The following ZNF407 variants were observed in gnomAD, a reference collection of about 807,000 sequenced individuals.
ZNF407 encodes zinc finger protein 407.
Under a neutral mutation model 131.2 loss-of-function variants are expected in ZNF407, and 17 were observed. That is an observed-to-expected ratio of 0.13 (90% CI 0.09 to 0.19). The LOEUF (loss-of-function observed/expected upper bound fraction) is 0.19. Ranked by LOEUF, ZNF407 falls within the 10% of genes least tolerant of loss-of-function variation. The probability of loss-of-function intolerance (pLI) is 1.00; values close to 1 mark genes in which losing one functional copy is unlikely to be tolerated. For synonymous variants in ZNF407, 1,156 were observed against 1,062.0 expected (o/e 1.09, Z -1.72); for missense variants, 2,681 against 2,830.6 (o/e 0.95, Z 1.20).
chr18:75,030,289 T>C (rs1973224740), intron 8 of ZNF407, among the ~76,000 whole-genome samples: 2 of 152,204 alleles, frequency 1.3e-5, no homozygotes, highest in East Asian at 1.9e-4. Flanking sequence ...CTTCTATCAG[T>C]TGAAAGGTAT....
At chr18:74,616,035 A>G (rs1983275839) in intron 1 of ZNF407, among the ~76,000 whole-genome samples, 1 of 152,054 alleles carries the variant, frequency 6.6e-6, no homozygotes, top group African/African-American at 2.4e-5. Context: ...AGCCCCTATT[A>G]TAGTTTTAAT....
chr18:74,901,213 A>G (rs1207899425), intron 7 of ZNF407, among the ~76,000 whole-genome samples: 3 of 152,118 alleles, frequency 2.0e-5, no homozygotes, highest in Admixed American at 6.5e-5. Flanking sequence ...AGCATTTTGT[A>G]TGGGTTTCCT....
At chr18:75,058,213 C>G (rs1023300978) in intron 8 of ZNF407, among the ~76,000 whole-genome samples, 2 of 152,188 alleles carry the variant, frequency 1.3e-5, no homozygotes, top group African/African-American at 4.8e-5. Context: ...GCAGAAGGAG[C>G]TGCAGCATCA....
intron 8 of ZNF407, among the ~76,000 whole-genome samples, chr18:75,058,501 T>C (rs1973587818): frequency 6.6e-6 from 1 of 152,244 alleles, no homozygotes; most frequent in South Asian, 2.1e-4. Flanking sequence ...AGAATGATTT[T>C]AGGCACACTG....
intron 3 of ZNF407, among the ~76,000 whole-genome samples, chr18:74,742,440 G>A (rs1968570525): frequency 1.3e-5 from 2 of 152,134 alleles, no homozygotes; most frequent in Non-Finnish European, 2.9e-5. Context: ...GCTGACTTCA[G>A]TTGCTTTTTT....
chr18:74,603,776 A>G (rs568458546), intron 1 of ZNF407, among the ~76,000 whole-genome samples: 60 of 152,354 alleles, frequency 3.9e-4, no homozygotes, highest in Admixed American at 9.8e-4. Flanking sequence ...GCACTTTTCC[A>G]TAGGTAACCA....
At chr18:75,034,637 A>T (rs935550408) in intron 8 of ZNF407, among the ~76,000 whole-genome samples, 14 of 150,890 alleles carry the variant, frequency 9.3e-5, no homozygotes, top group East Asian at 3.9e-4. Flanking sequence ...CATTGGTAGG[A>T]TGTAGTGATT....
chr18:74,841,450 G>A (rs910743863), intron 4 of ZNF407, among the ~76,000 whole-genome samples: 8 of 152,020 alleles, frequency 5.3e-5, no homozygotes, highest in African/African-American at 1.9e-4. Flanking sequence ...TAAAGTTGGC[G>A]GTACTCCCAA....
chr18:74,851,349 A>T (rs926619737), intron 4 of ZNF407, among the ~76,000 whole-genome samples: 1 of 152,360 alleles, frequency 6.6e-6, no homozygotes, highest in African/African-American at 2.4e-5. Context: ...AGCAGAGAAC[A>T]TGTATAATCA....
intron 3 of ZNF407, among the ~76,000 whole-genome samples, chr18:74,739,324 G>A (rs955349543): frequency 1.3e-5 from 2 of 151,822 alleles, no homozygotes; most frequent in Non-Finnish European, 2.9e-5. Flanking sequence ...GAGAGTGAAC[G>A]AGAAAAGGGA....
intron 1 of ZNF407, among the ~76,000 whole-genome samples, chr18:74,604,178 C>G (rs1982699280): frequency 1.3e-5 from 2 of 152,306 alleles, no homozygotes; most frequent in African/African-American, 2.4e-5. Context: ...TCACAAAGTA[C>G]AAGGTTTGAT....
rs148366248 is a variant in ZNF407 at position 74,942,214 on chromosome 18, A to C, written c.5428+21522A>C. On this transcript the variant is annotated intron_variant, in intron 8 of 8. Coordinates refer to ENST00000299687, the MANE Select transcript of ZNF407 (RefSeq NM_017757.3). ...TTTTTGCACGAATCTCCCCTGCAGC[A>C]GGGAAAGTGGCTTTTGAAGCTGTGA... 3.9e-3 allele frequency among the ~76,000 whole-genome samples: 589 copies of C among 152,348 alleles called. 10 individuals carry two copies. Among genetic ancestry groups the C allele is most frequent in the African/African-American group, 0.013 (561 of 41,578 alleles).
At chr18:74,689,179 G>A (rs1341464502) in intron 3 of ZNF407, among the ~76,000 whole-genome samples, 1 of 151,958 alleles carries the variant, frequency 6.6e-6, no homozygotes, top group African/African-American at 2.4e-5. Context: ...AGTGTTTTCT[G>A]GTTTTCTGCA....
At chr18:74,630,371 CTG>C (rs1984000116) in intron 1 of ZNF407, among the ~76,000 whole-genome samples, 1 of 152,106 alleles carries the variant, frequency 6.6e-6, no homozygotes, top group African/African-American at 2.4e-5. Context: ...CAGGGTTTCA[CTG>C]TGTTAGCCAG....
At chr18:74,619,331 A>T (rs1286545108) in intron 1 of ZNF407, among the ~76,000 whole-genome samples, 3 of 152,128 alleles carry the variant, frequency 2.0e-5, no homozygotes, top group Non-Finnish European at 4.4e-5. Context: ...TGGAATGAAA[A>T]CCATGGCTTG....
intron 3 of ZNF407, among the ~76,000 whole-genome samples, chr18:74,775,901 AAC>A (rs143713888): frequency 0.16 from 24,473 of 152,022 alleles, 2,269 homozygotes; most frequent in Non-Finnish European, 0.21. Context: ...CACACTTTTA[AAC>A]CACCAGATCT....
intron 8 of ZNF407, among the ~76,000 whole-genome samples, chr18:75,002,271 CA>C (rs1182798415): frequency 2.0e-5 from 3 of 152,232 alleles, no homozygotes; most frequent in African/African-American, 7.2e-5. Context: ...TTTCTAAATG[CA>C]GGTTTTCTAA....
At chr18:75,060,706 C>G (rs968874170) in intron 8 of ZNF407, among the ~76,000 whole-genome samples, 1 of 151,738 alleles carries the variant, frequency 6.6e-6, no homozygotes, top group Middle Eastern at 3.4e-3. Context: ...GGGGTTTCAC[C>G]GTGTTAGCCA....
chr18:74,872,303 CTTG>C (rs1250040738), intron 4 of ZNF407, among the ~76,000 whole-genome samples: 1 of 151,994 alleles, frequency 6.6e-6, no homozygotes, highest in African/African-American at 2.4e-5. Flanking sequence ...TCACACCCAA[CTTG>C]TTTTTTAATA....
Sources: allele counts gnomAD v4.1 joint callset (sites outside exome capture counted in the v4.1 genomes callset), GRCh38; gene constraint gnomAD v4.1.1; transcripts MANE v1.5; gene names NCBI Gene and HGNC (gene_info 2026-07-23, HGNC 2026-07-21).